The following PSMD1 variants were observed in gnomAD, a reference collection of about 807,000 sequenced individuals.
PSMD1 encodes proteasome 26S subunit, non-ATPase 1.
Under a neutral mutation model 119.0 loss-of-function variants are expected in PSMD1, and 18 were observed. That is an observed-to-expected ratio of 0.15 (90% CI 0.10 to 0.22). The LOEUF (loss-of-function observed/expected upper bound fraction) is 0.22. PSMD1 is among the 10% of genes least tolerant of loss of function. PSMD1 has a pLI of 1.00. For missense variants in PSMD1, 702 were observed against 1,158.5 expected (o/e 0.61, Z 5.72); for synonymous variants, 374 against 396.6 (o/e 0.94, Z 0.68).
At position 231,170,443 on chromosome 2, in the gene PSMD1, T is replaced by TC; in HGVS notation, c.2716-121dup. ...TATCTTTATCCCAGTAAAGTTCTACTCCAGTTTTTCACTTCCAAATCATTT... is the reference window on the plus strand; with the variant it reads ...TATCTTTATCCCAGTAAAGTTCTACTCCCAGTTTTTCACTTCCAAATCATTT... On this transcript the variant is annotated intron_variant, in intron 23 of 24. Transcript: ENST00000308696. This position sits in a 1 kb window ranked among gnomAD's most constrained non-coding sequence, Gnocchi z 4.1. 9.5e-7 allele frequency: 1 copy of TC among 1,057,398 alleles called. No individual in the cohort carries two copies. Among genetic ancestry groups the TC allele is most frequent in the East Asian group, 2.6e-5 (1 of 38,254 alleles). 65.5% of individuals were successfully genotyped at this position (1,057,398 alleles called of 1,614,324 possible). A position where few individuals can be genotyped will look rare whatever the true frequency, so the allele number is the denominator to read the frequency against.
At chr2:231,059,270 G>A (rs1457791478) in intron 1 of PSMD1, among the ~76,000 whole-genome samples, 3 of 152,142 alleles carry the variant, frequency 2.0e-5, no homozygotes, top group Non-Finnish European at 4.4e-5. Flanking sequence ...GTCAACTTCT[G>A]TTCCAAATCT....
At chr2:231,132,793 G>C (rs1347537629) in intron 16 of PSMD1, among the ~76,000 whole-genome samples, 1 of 152,208 alleles carries the variant, frequency 6.6e-6, no homozygotes, top group Admixed American at 6.5e-5. Context: ...CAAGAAAAGA[G>C]ATCCTTTAAG....
rs1574717251 is a variant in PSMD1, at chr2:231,085,265, A to G, written c.1818+151A>G. 9 of 657,804 alleles carry G rather than the reference A, an allele frequency of 1.4e-5. No individual in the cohort carries two copies. The East Asian group carries it at 2.5e-4, about 18-fold the overall frequency. The allele number at this position is 657,804 out of a possible 1,614,324, so 40.7% of individuals were successfully genotyped here. On this transcript the variant is annotated intron_variant, in intron 15 of 24. Coordinates refer to ENST00000308696, the MANE Select transcript of PSMD1 (RefSeq NM_002807.4). ...CATTTACTGGACCCAACAGGCCATA[A>G]CCTAGCACTAGATTCACTTAGCTTT...
chr2:231,068,277 TA>T (rs915169339), intron 5 of PSMD1, among the ~76,000 whole-genome samples: 1 of 152,258 alleles, frequency 6.6e-6, no homozygotes, highest in African/African-American at 2.4e-5. Flanking sequence ...ACGATTTGTT[TA>T]AATGAGTGAA....
At chr2:231,137,786 A>C (rs1696009515) in intron 16 of PSMD1, among the ~76,000 whole-genome samples, 3 of 152,146 alleles carry the variant, frequency 2.0e-5, no homozygotes, top group Admixed American at 1.3e-4. Flanking sequence ...GAGAACATGC[A>C]GTATTTGGTT....
At chr2:231,086,379 G>A (rs867280007) in intron 15 of PSMD1, among the ~76,000 whole-genome samples, 4 of 152,318 alleles carry the variant, frequency 2.6e-5, no homozygotes, top group Admixed American at 6.5e-5. Flanking sequence ...CCCTGGGGCC[G>A]GGCATGGTGG....
At chr2:231,059,901 G>A (rs889068147) in intron 1 of PSMD1, among the ~76,000 whole-genome samples, 6 of 152,168 alleles carry the variant, frequency 3.9e-5, no homozygotes, top group African/African-American at 1.4e-4. Flanking sequence ...TTTAGTTCTG[G>A]TCCATGGCCA....
chr2:231,139,221 C>G (rs1380124787), intron 17 of PSMD1, among the ~76,000 whole-genome samples: 1 of 151,804 alleles, frequency 6.6e-6, no homozygotes, highest in Non-Finnish European at 1.5e-5. Context: ...CCAGGCTGGT[C>G]TCGAACTCCT....
At chr2:231,080,706 T>C (rs905656689) in intron 12 of PSMD1, among the ~76,000 whole-genome samples, 18 of 152,328 alleles carry the variant, frequency 1.2e-4, no homozygotes, top group African/African-American at 4.3e-4. Flanking sequence ...TGTAAATCTT[T>C]TGGAAAAGCT....
intron 6 of PSMD1, 107 bp downstream of exon 6, chr2:231,070,275 G>A (rs1694012032): frequency 1.1e-6 from 1 of 930,336 alleles, no homozygotes; most frequent in Non-Finnish European, 1.4e-6. Flanking sequence ...CTTTATACAT[G>A]TATCTCAGCT....
chr2:231,139,539 G>A (rs1490892011), intron 17 of PSMD1, among the ~76,000 whole-genome samples: 1 of 134,702 alleles, frequency 7.4e-6, no homozygotes, highest in Non-Finnish European at 1.5e-5. Flanking sequence ...GAGCCACTGT[G>A]CCTGGCCCAT....
In PSMD1 at chr2:231,163,705, CAAAAGA is replaced by C; in HGVS notation, c.2469_2474del (p.Glu826_Lys827del). On this transcript the variant is annotated inframe_deletion, in exon 21 of 25. Transcript: ENST00000308696. ...GCATATCCTGCCCCTCTGGAAGTAC[CAAAAGA>C]AAAAGAAAAGGAAAAGGTAGGTTCT... The C allele has an allele frequency of 6.2e-7, 1 of 1,609,766 alleles. No individual in the cohort carries two copies. Among genetic ancestry groups the C allele is most frequent in the Non-Finnish European group, 8.5e-7 (1 of 1,176,660 alleles).
intron 16 of PSMD1, among the ~76,000 whole-genome samples, chr2:231,094,890 C>T (rs1424574681): frequency 6.6e-6 from 1 of 152,216 alleles, no homozygotes; most frequent in Non-Finnish European, 1.5e-5. Context: ...AATTCTATGA[C>T]ATCAGGGTCA....
intron 18 of PSMD1, among the ~76,000 whole-genome samples, chr2:231,147,762 T>C (rs1365459919): frequency 6.6e-6 from 1 of 152,192 alleles, no homozygotes; most frequent in African/African-American, 2.4e-5. Flanking sequence ...GCTCATATAA[T>C]GGGAAGTAGT....
intron 16 of PSMD1, among the ~76,000 whole-genome samples, chr2:231,103,611 A>G (rs1427081437): frequency 6.6e-6 from 1 of 152,144 alleles, no homozygotes; most frequent in Non-Finnish European, 1.5e-5. Flanking sequence ...CATCATTTAC[A>G]TTCTTTTTGT....
At chr2:231,151,624 A>G (rs1171289904) in intron 18 of PSMD1, among the ~76,000 whole-genome samples, 3 of 151,838 alleles carry the variant, frequency 2.0e-5, no homozygotes, top group Non-Finnish European at 2.9e-5. Context: ...AATTTTCCCT[A>G]TAATGTACAT....
intron 4 of PSMD1, among the ~76,000 whole-genome samples, chr2:231,065,600 G>T (rs1256306514): frequency 6.6e-6 from 1 of 152,132 alleles, no homozygotes; most frequent in African/African-American, 2.4e-5. Flanking sequence ...CGCCCGGCCA[G>T]GGTGACTGTT....
chr2:231,165,981 C>T lies in PSMD1; in HGVS notation c.2679C>T (p.Thr893=). ...RVMPAQLKVL[T]MPETCRYQPF... is the part of the protein sequence containing the mutation. ...TGCCTGCCCAGCTTAAGGTCCTAAC[C>T]ATGCCGGAGACCTGTAGATACCAGC... Residue 893 remains threonine (T), a synonymous_variant, in exon 23 of 25, where the codon ACC becomes ACT. Coordinates refer to ENST00000308696, the MANE Select transcript of PSMD1 (RefSeq NM_002807.4). The T allele has an allele frequency of 6.2e-7, 1 of 1,613,950 alleles. No individual in the cohort carries two copies. Among genetic ancestry groups the T allele is most frequent in the Non-Finnish European group, 8.5e-7 (1 of 1,179,896 alleles).
intron 16 of PSMD1, among the ~76,000 whole-genome samples, chr2:231,098,482 T>C (rs887719491): frequency 6.6e-6 from 1 of 151,856 alleles, no homozygotes; most frequent in South Asian, 2.1e-4. Context: ...TCTCTCTCTG[T>C]CTCTATCTCT....
Sources: gnomAD v4.1 joint callset for allele counts (sites outside exome capture counted in the v4.1 genomes callset) on GRCh38, gnomAD v4.1.1 for gene constraint, Gnocchi (gnomAD v3.1) non-coding constraint, MANE v1.5 for transcripts, NCBI Gene and HGNC (gene_info 2026-07-23, HGNC 2026-07-21) for gene names.